Variants in SLC10A7 observed in about 807,000 individuals in gnomAD.
SLC10A7 encodes the protein solute carrier family 10 member 7.
Under a neutral mutation model 43.2 loss-of-function variants are expected in SLC10A7, and 29 were observed. That is an observed-to-expected ratio of 0.67 (90% confidence interval 0.50 to 0.92). The LOEUF (loss-of-function observed/expected upper bound fraction) is 0.92, where lower values mean the gene tolerates loss of function less well. Ranked by LOEUF, SLC10A7 falls within the 40% of genes least tolerant of loss-of-function variation. SLC10A7 has a pLI of 0.00. For synonymous variants in SLC10A7, 152 were observed against 144.8 expected (o/e 1.05, Z -0.35); for missense variants, 295 against 403.2 (o/e 0.73, Z 2.30).
chr4:146,346,122 A>G (rs928246949), intron 5 of SLC10A7, among the ~76,000 whole-genome samples: 1 of 152,164 alleles, frequency 6.6e-6, no homozygotes, highest in East Asian at 1.9e-4. Flanking sequence ...TCCATTTATA[A>G]GGTTGGAATT....
intron 7 of SLC10A7, among the ~76,000 whole-genome samples, chr4:146,304,052 C>T (rs1445394899): frequency 1.0e-5 from 1 of 97,552 alleles, no homozygotes; most frequent in Non-Finnish European, 1.9e-5. Flanking sequence ...CTGTGGCATC[C>T]TATGATTTCA....
At chr4:146,439,828 A>G (rs1730463095) in intron 5 of SLC10A7, among the ~76,000 whole-genome samples, 1 of 152,206 alleles carries the variant, frequency 6.6e-6, no homozygotes, top group Non-Finnish European at 1.5e-5. Context: ...TTTTAAGAAC[A>G]GGTGGATATT....
intron 7 of SLC10A7, among the ~76,000 whole-genome samples, chr4:146,297,760 T>C (rs1182928461): frequency 3.9e-5 from 6 of 152,198 alleles, no homozygotes; most frequent in African/African-American, 1.4e-4. Flanking sequence ...CTGTAACACT[T>C]TATTTTTATT....
intron 4 of SLC10A7, among the ~76,000 whole-genome samples, chr4:146,453,454 T>G (rs4835037): frequency 0.82 from 124,203 of 151,860 alleles, 51,459 homozygotes; most frequent in African/African-American, 0.93. Flanking sequence ...GAATGACTTC[T>G]CTGTTTCTTA....
intron 5 of SLC10A7, among the ~76,000 whole-genome samples, chr4:146,369,524 C>G (rs1390846889): frequency 1.3e-5 from 2 of 152,144 alleles, no homozygotes; most frequent in Admixed American, 1.3e-4. Context: ...TATTTCTTTA[C>G]TGGTGATATT....
In SLC10A7 at chr4:146,319,117, GTC is replaced by G. The variant is rs538142591; in HGVS notation, c.471+6842_471+6843del. Among the ~76,000 whole-genome samples, 16 of 152,130 alleles carry G rather than the reference GTC, an allele frequency of 1.1e-4. No homozygotes were observed. The East Asian group carries it at 3.1e-3, about 29-fold the overall frequency. ...ATCAAAACCCATTTAATGGTTTCCT[GTC>G]TCTCTCAAATTAAAATTCCAAGTCC... is the stretch of plus-strand genomic sequence containing the variant. On this transcript the variant is annotated intron_variant, in intron 6 of 11. Transcript: ENST00000335472.
intron 3 of SLC10A7, 126 bp from the exon 4 acceptor site, chr4:146,504,050 C>A: frequency 1.2e-6 from 1 of 814,834 alleles, no homozygotes; most frequent in South Asian, 1.6e-5. Flanking sequence ...TGCACATCCC[C>A]TGTTGAATTT....
chr4:146,255,268 A>C lies in SLC10A7; in HGVS notation c.*1223T>G, dbSNP rs867635040. The C allele has an allele frequency of 6.5e-6, 1 of 152,722 alleles. No individual in the cohort carries two copies. Among genetic ancestry groups the C allele is most frequent in the African/African-American group, 2.4e-5 (1 of 41,544 alleles). The allele number at this position is 152,722 out of a possible 1,614,324, so 9.5% of individuals were successfully genotyped here. A position where few individuals can be genotyped will look rare whatever the true frequency, so the allele number is the denominator to read the frequency against. On this transcript the variant is annotated 3_prime_UTR_variant, in exon 12 of 12. Coordinates refer to ENST00000335472, the MANE Select transcript of SLC10A7 (RefSeq NM_001029998.6). The stretch of plus-strand genomic sequence containing the variant: ...AGTTCTTGCAGCTATAGCAGAAGCA[A>C]ATATTGGACACTCATTTGAAAGCTG...
At chr4:146,402,495 GC>G (rs1739290086) in intron 5 of SLC10A7, among the ~76,000 whole-genome samples, 1 of 151,968 alleles carries the variant, frequency 6.6e-6, no homozygotes, top group Admixed American at 6.6e-5. Flanking sequence ...CGCCTCCTGG[GC>G]CCAACACACC....
intron 5 of SLC10A7, among the ~76,000 whole-genome samples, chr4:146,331,744 C>T (rs1733551141): frequency 6.6e-6 from 1 of 152,150 alleles, no homozygotes; most frequent in African/African-American, 2.4e-5. Flanking sequence ...TCAATCTAAA[C>T]CTCCAGGCTA....
intron 6 of SLC10A7, among the ~76,000 whole-genome samples, chr4:146,325,391 C>T (rs1192393223): frequency 6.6e-6 from 1 of 152,134 alleles, no homozygotes. Flanking sequence ...GTTTTCAGAA[C>T]AGTTTTTGTT....
chr4:146,364,231 G>T (rs1440522254), intron 5 of SLC10A7, among the ~76,000 whole-genome samples: 1 of 151,964 alleles, frequency 6.6e-6, no homozygotes, highest in Non-Finnish European at 1.5e-5. Context: ...CAATAAATTG[G>T]AAAACCTAGA....
intron 5 of SLC10A7, among the ~76,000 whole-genome samples, chr4:146,376,393 T>C (rs1055823344): frequency 6.6e-6 from 1 of 152,218 alleles, no homozygotes; most frequent in East Asian, 1.9e-4. Context: ...TAGTTGCCCC[T>C]GTTGTCCAGC....
intron 5 of SLC10A7, among the ~76,000 whole-genome samples, chr4:146,365,587 T>C (rs1214701492): frequency 6.6e-6 from 1 of 152,228 alleles, no homozygotes; most frequent in East Asian, 1.9e-4. Context: ...CTACACTTAA[T>C]GGTAAAGAAA....
rs114569260 is a variant in SLC10A7 at position 146,348,596 on chromosome 4, C to A, written c.436-22600G>T. Among the ~76,000 whole-genome samples, 529 of 152,222 alleles carry A rather than the reference C, an allele frequency of 3.5e-3. 6 individuals carry two copies. The highest frequency in any genetic ancestry group is 0.012 in the African/African-American group (486 of 41,544). On this transcript the variant is annotated intron_variant, in intron 5 of 11. Coordinates refer to ENST00000335472, the MANE Select transcript of SLC10A7 (RefSeq NM_001029998.6). Reference sequence around the variant, plus strand: ...GGGTATTTGACAAGCTTTTAAACATCTAAGAGTCATGTTTTCAGAAAGCAT... The same window carrying A: ...GGGTATTTGACAAGCTTTTAAACATATAAGAGTCATGTTTTCAGAAAGCAT...
chr4:146,427,897 G>A (rs981355772), intron 5 of SLC10A7, among the ~76,000 whole-genome samples: 1 of 152,088 alleles, frequency 6.6e-6, no homozygotes, highest in African/African-American at 2.4e-5. Flanking sequence ...GGAGCCAAAC[G>A]CAGTGGCTCA....
At chr4:146,393,324 T>C (rs1416319470) in intron 5 of SLC10A7, among the ~76,000 whole-genome samples, 2 of 151,864 alleles carry the variant, frequency 1.3e-5, no homozygotes, top group Non-Finnish European at 2.9e-5. Context: ...CTTATTAGCA[T>C]TATCTCCATT....
chr4:146,506,957 A>G (rs1249776808), intron 3 of SLC10A7, among the ~76,000 whole-genome samples: 7 of 152,188 alleles, frequency 4.6e-5, no homozygotes, highest in Admixed American at 4.6e-4. Context: ...ATTGAGGTAT[A>G]ATTGACAAGG....
At chr4:146,275,982 G>C (rs959208681) in intron 10 of SLC10A7, among the ~76,000 whole-genome samples, 1 of 152,066 alleles carries the variant, frequency 6.6e-6, no homozygotes, top group Non-Finnish European at 1.5e-5. Context: ...GGAAACCACA[G>C]ATCCTCCCAA....
Sources: gnomAD v4.1 joint callset for allele counts (sites outside exome capture counted in the v4.1 genomes callset) on GRCh38, gnomAD v4.1.1 for gene constraint, MANE v1.5 for transcripts, NCBI Gene and HGNC (gene_info 2026-07-23, HGNC 2026-07-21) for gene names.